ENAM: variants seen among roughly 807,000 people sequenced by gnomAD.
ENAM encodes enamelin.
In ENAM, 21 loss-of-function variants were observed where a neutral mutation model predicts 33.6. That is an observed-to-expected ratio of 0.63 (90% CI 0.44 to 0.90). ENAM has a LOEUF of 0.90. ENAM is among the 40% of genes least tolerant of loss of function. The probability of loss-of-function intolerance (pLI) is 0.00; values close to 1 mark genes in which losing one functional copy is unlikely to be tolerated. For missense variants in ENAM, 1,388 were observed against 1,366.9 expected (o/e 1.02, Z -0.24); for synonymous variants, 473 against 468.4 (o/e 1.01, Z -0.13).
At chr4:70,635,533 CA>C (rs1195942681) in intron 6 of ENAM, among the ~76,000 whole-genome samples, 1 of 152,082 alleles carries the variant, frequency 6.6e-6, no homozygotes, top group Non-Finnish European at 1.5e-5. Flanking sequence ...GGCAAGTGAC[CA>C]AACTTCTCTG....
At position 70,644,162 on chromosome 4, in the gene ENAM, C is replaced by T. The variant is rs143333113; in HGVS notation, c.2736C>T (p.Asp912=). 431 of 1,614,028 alleles carry T rather than the reference C, an allele frequency of 2.7e-4. 2 individuals are homozygous for T. The East Asian group carries it at 6.8e-3, about 26-fold the overall frequency. Reference sequence around the variant, plus strand: ...AAGACACCAGTCCTCTGTATACAGACGGTAGTCATACCAAGCAGACAAGAG... The same window carrying T: ...AAGACACCAGTCCTCTGTATACAGATGGTAGTCATACCAAGCAGACAAGAG... ...ENQDTSPLYT[D]GSHTKQTRDI... The change falls in exon 9 of 9, where the codon GAC becomes GAT. Residue 912 remains aspartate (D), a synonymous_variant. Coordinates refer to ENST00000396073, the MANE Select transcript of ENAM (RefSeq NM_031889.3).
In ENAM at chr4:70,644,592, C is replaced by T; in HGVS notation, c.3166C>T (p.Pro1056Ser). The T allele has an allele frequency of 6.2e-7, 1 of 1,613,022 alleles. No individual in the cohort carries two copies. Among genetic ancestry groups the T allele is most frequent in the Non-Finnish European group, 8.5e-7 (1 of 1,179,192 alleles). ...QQRPSNILHL[P>S]CFGSKLAKHH... ...AAGACCATCTAACATTCTGCATTTG[C>T]CATGCTTTGGCTCCAAATTAGCAAA... Residue 1056 changes from proline (P) to serine (S), a missense_variant, in exon 9 of 9, where the codon CCA becomes TCA. By Grantham distance (74) the Pro-to-Ser change is moderately conservative. Coordinates refer to ENST00000396073, the MANE Select transcript of ENAM (RefSeq NM_031889.3).
At position 70,644,238 on chromosome 4, in the gene ENAM, A is replaced by C; in HGVS notation, c.2812A>C (p.Lys938Gln). 1 of 1,614,170 alleles carries C rather than the reference A, an allele frequency of 6.2e-7. No homozygotes were observed. Among genetic ancestry groups the C allele is most frequent in the Non-Finnish European group, 8.5e-7 (1 of 1,180,030 alleles). Reference sequence around the variant, plus strand: ...ACCAGGCCAAAGAAACAGCTCAGAGAAGAGGGAAAGCCAAAACCCTTTTAG... The same window carrying C: ...ACCAGGCCAAAGAAACAGCTCAGAGCAGAGGGAAAGCCAAAACCCTTTTAG... ...ILPGQRNSSE[K>Q]RESQNPFRDD... The change falls in exon 9 of 9, where the codon AAG (lysine) becomes CAG (glutamine). Residue 938 changes from lysine (K) to glutamine (Q), a missense_variant. Coordinates refer to ENST00000396073, the MANE Select transcript of ENAM (RefSeq NM_031889.3).
intron 2 of ENAM, among the ~76,000 whole-genome samples, chr4:70,631,110 G>GA (rs534691738): frequency 3.6e-4 from 54 of 151,926 alleles, no homozygotes; most frequent in Non-Finnish European, 8.8e-5. Context: ...AGGAAACCAG[G>GA]AAAAAAATAA....
At position 70,643,813 on chromosome 4, in the gene ENAM, C is replaced by G. The variant is rs759182260; in HGVS notation, c.2387C>G (p.Ala796Gly). ...IWDQATHLQK[A>G]PARPPDQKGN... ...GATCAGGCAACACATTTACAAAAAG[C>G]CCCAGCTAGGCCACCAGACCAGAAA... Residue 796 changes from alanine (A) to glycine (G), a missense_variant, in exon 9 of 9, where the codon GCC (alanine) becomes GGC (glycine). Coordinates refer to ENST00000396073, the MANE Select transcript of ENAM (RefSeq NM_031889.3). 6.2e-7 allele frequency: 1 copy of G among 1,614,118 alleles called. No individual in the cohort carries two copies.
chr4:70,631,442 C>T (rs189631165), intron 2 of ENAM, among the ~76,000 whole-genome samples: 13 of 152,116 alleles, frequency 8.5e-5, no homozygotes, highest in African/African-American at 1.9e-4. Context: ...CTCTCTCTCA[C>T]GCACACACAC....
At chr4:70,631,960 G>T in intron 4 of ENAM, 67 bp downstream of exon 4, 1 of 1,327,214 alleles carries the variant, frequency 7.5e-7, no homozygotes, top group Non-Finnish European at 1.1e-6. Context: ...CTAAAAAGGA[G>T]AATATTGGAA....
intron 5 of ENAM, 95 bp downstream of exon 5, chr4:70,632,787 A>T (rs998632694): frequency 4.5e-5 from 39 of 867,330 alleles, no homozygotes; most frequent in African/African-American, 4.3e-4. Flanking sequence ...ACCAATCCAC[A>T]TGTTTTAAGT....
Position 70,645,239 on chromosome 4 carries a change from G to GGCGCCCACC in ENAM, c.*385_*386insCGCCCACCG. ...CAGATTAACTTTCCATTCTACTTATGGAGATCCACACATCAGTATAGTCCT... is the reference window on the plus strand; with the variant it reads ...CAGATTAACTTTCCATTCTACTTATGGCGCCCACCGAGATCCACACATCAGTATAGTCCT... On this transcript the variant is annotated 3_prime_UTR_variant, in exon 9 of 9. Transcript: ENST00000396073. 2 of 283,020 alleles carry GGCGCCCACC rather than the reference G, an allele frequency of 7.1e-6. No individual in the cohort carries two copies. Among genetic ancestry groups the GGCGCCCACC allele is most frequent in the Non-Finnish European group, 1.3e-5 (2 of 152,164 alleles). 17.5% of individuals were successfully genotyped at this position (283,020 alleles called of 1,614,324 possible).
chr4:70,629,706 C>A, intron 2 of ENAM, 152 bp downstream of exon 2: 1 of 751,730 alleles, frequency 1.3e-6, no homozygotes, highest in Non-Finnish European at 2.4e-6. Context: ...AGAACTTACA[C>A]AGTCATTGTA....
Position 70,642,573 on chromosome 4 carries a change from T to G in ENAM, c.1147T>G (p.Tyr383Asp). Residue 383 changes from tyrosine (Y) to aspartate (D), a missense_variant, in exon 9 of 9, where the codon TAC becomes GAC. Transcript: ENST00000396073. ...AGGAAATCCAGTTTATCACAAAGCT[T>G]ACCCTCCTACTTCAAGAGGCAATTA... is the stretch of plus-strand genomic sequence containing the variant. Reference protein sequence around the residue: ...RPGNPVYHKAYPPTSRGNYPN... With the variant: ...RPGNPVYHKADPPTSRGNYPN... The G allele has an allele frequency of 6.2e-7, 1 of 1,613,998 alleles. No homozygotes were observed. Among genetic ancestry groups the G allele is most frequent in the Non-Finnish European group, 8.5e-7 (1 of 1,179,962 alleles).
At position 70,642,437 on chromosome 4, in the gene ENAM, T is replaced by C. The variant is rs368404606; in HGVS notation, c.1011T>C (p.Thr337=). 2.8e-4 allele frequency: 453 copies of C among 1,613,988 alleles called. No individual in the cohort carries two copies. The highest frequency in any genetic ancestry group is 2.0e-3 in the South Asian group (179 of 91,082). The change falls in exon 9 of 9, where the codon ACT becomes ACC. Residue 337 remains threonine (T), a synonymous_variant. Coordinates refer to ENST00000396073, the MANE Select transcript of ENAM (RefSeq NM_031889.3). ...NFPSGRQWYF[T]GTVMGHRQNR... The stretch of plus-strand genomic sequence containing the variant: ...CTTCAGGAAGACAGTGGTATTTCAC[T>C]GGTACTGTCATGGGGCACAGACAGA...
Position 70,635,812 on chromosome 4 carries a change from G to A in ENAM, c.472-20G>A, listed in dbSNP as rs147177510. On this transcript the variant is annotated intron_variant, in intron 6 of 8. Transcript: ENST00000396073. ...ATTCTTTTCAATACCACATCACTCT[G>A]ATTCTTTCTTTCTCTCTAGGCATTC... is the stretch of plus-strand genomic sequence containing the variant. The A allele has an allele frequency of 4.2e-4, 642 of 1,517,158 alleles. 5 individuals are homozygous for A. In the African/African-American group the frequency reaches 7.3e-3, roughly 17 times the overall value. The allele number at this position is 1,517,158 out of a possible 1,614,324, so 94.0% of individuals were successfully genotyped here. A position where few individuals can be genotyped will look rare whatever the true frequency, so the allele number is the denominator to read the frequency against.
intron 5 of ENAM, among the ~76,000 whole-genome samples, chr4:70,633,875 G>A (rs1411475793): frequency 1.3e-5 from 2 of 151,602 alleles, no homozygotes; most frequent in African/African-American, 4.8e-5. Context: ...TTTTTTTCTT[G>A]TTTTTTATTT....
Position 70,637,944 on chromosome 4 carries a change from A to T in ENAM, c.588+101A>T, listed in dbSNP as rs1168550586. 3 of 898,558 alleles carry T rather than the reference A, an allele frequency of 3.3e-6. No individual in the cohort carries two copies. The African/African-American group carries it at 5.0e-5, about 15-fold the overall frequency. 55.7% of individuals were successfully genotyped at this position (898,558 alleles called of 1,614,324 possible). A position where few individuals can be genotyped will look rare whatever the true frequency, so the allele number is the denominator to read the frequency against. On this transcript the variant is annotated intron_variant, in intron 8 of 8. Transcript: ENST00000396073. ...AAGAAAGTTAAAATCCAACACATGA[A>T]CCTGTAGCTCAAGCTTCCGTGATTT...
rs781434701 is a variant in ENAM at position 70,644,591 on chromosome 4, G to T, written c.3165G>T (p.Leu1055Phe). The change falls in exon 9 of 9, where the codon TTG becomes TTT. Residue 1055 changes from leucine to phenylalanine, a missense_variant. Coordinates refer to ENST00000396073, the MANE Select transcript of ENAM (RefSeq NM_031889.3). ...AAAGACCATCTAACATTCTGCATTT[G>T]CCATGCTTTGGCTCCAAATTAGCAA... The part of the protein sequence containing the change: ...QQQRPSNILH[L>F]PCFGSKLAKH... 16 of 1,612,978 alleles carry T rather than the reference G, an allele frequency of 9.9e-6. No homozygotes were observed. The highest frequency in any genetic ancestry group is 1.1e-5 in the Non-Finnish European group (13 of 1,179,274).
Position 70,645,212 on chromosome 4 carries a change from GGCAGATTAACTTT to G in ENAM, c.*358_*370del. 9.0e-6 allele frequency: 4 copies of G among 442,684 alleles called. No individual in the cohort carries two copies. Among genetic ancestry groups the G allele is most frequent in the South Asian group, 3.5e-5 (1 of 28,792 alleles). 27.4% of individuals were successfully genotyped at this position (442,684 alleles called of 1,614,324 possible). ...CAAAATTGGTTTTTCAAGACTGAAA[GGCAGATTAACTTT>G]CCATTCTACTTATGGAGATCCACAC... is the stretch of plus-strand genomic sequence containing the variant. On this transcript the variant is annotated 3_prime_UTR_variant, in exon 9 of 9. Transcript: ENST00000396073.
At chr4:70,629,347 T>C in intron 1 of ENAM, 94 bp from the exon 2 acceptor site, 1 of 710,490 alleles carries the variant, frequency 1.4e-6, no homozygotes, top group Non-Finnish European at 2.6e-6. Context: ...CTAATACAGG[T>C]ATGACTGGAT....
At position 70,629,532 on chromosome 4, in the gene ENAM, C is replaced by T; in HGVS notation, c.32C>T (p.Ser11Phe). 1.2e-6 allele frequency: 2 copies of T among 1,613,348 alleles called. No homozygotes were observed. The highest frequency in any genetic ancestry group is 8.5e-7 in the Non-Finnish European group (1 of 1,179,436). Residue 11 changes from serine (S) to phenylalanine (F), a missense_variant, in exon 2 of 9, where the codon TCT (serine) becomes TTT (phenylalanine). Ser to Phe is a radical substitution (Grantham distance 155). Coordinates refer to ENST00000396073, the MANE Select transcript of ENAM (RefSeq NM_031889.3). The part of the protein sequence containing the change: MLVLRCRLGT[S>F]FPKLDNLVPK... ...GTGCTTCGGTGCAGGCTTGGAACCT[C>T]TTTTCCTAAACTAGATAACTTGGTG...
Sources: allele counts gnomAD v4.1 joint callset (sites outside exome capture counted in the v4.1 genomes callset), GRCh38; gene constraint gnomAD v4.1.1; transcripts MANE v1.5; gene names NCBI Gene and HGNC (gene_info 2026-07-23, HGNC 2026-07-21).